Variants in EPM2A observed in about 807,000 individuals in gnomAD.
EPM2A encodes laforin.
A neutral mutation model predicts 26.5 loss-of-function variants in EPM2A; 21 were observed. The ratio of observed to expected loss-of-function variants is 0.79; its 90% CI spans 0.56 to 1.14. The LOEUF (loss-of-function observed/expected upper bound fraction) is 1.14. Among genes scored for constraint, EPM2A ranks in the 50% most tolerant of loss-of-function variants. EPM2A has a pLI of 0.00. For synonymous variants in EPM2A, 217 were observed against 177.6 expected (o/e 1.22, Z -1.76); for missense variants, 458 against 440.8 (o/e 1.04, Z -0.35).
intron 4 of EPM2A, among the ~76,000 whole-genome samples, chr6:145,459,515 A>G (rs7741505): frequency 0.11 from 16,578 of 152,196 alleles, 1,997 homozygotes; most frequent in African/African-American, 0.3. Context: ...AAATGTCTTA[A>G]TTTATGACTG....
chr6:145,417,733 T>TA (rs1778728176), intron 4 of EPM2A, among the ~76,000 whole-genome samples: 1 of 152,152 alleles, frequency 6.6e-6, no homozygotes, highest in South Asian at 2.1e-4. Flanking sequence ...TCAATCCACC[T>TA]AACCTCAGCC....
chr6:145,627,251 C>A lies in EPM2A; in HGVS notation c.*165G>T. The A allele has an allele frequency of 6.6e-7, 1 of 1,526,262 alleles. No homozygotes were observed. Among genetic ancestry groups the A allele is most frequent in the African/African-American group, 1.4e-5 (1 of 72,336 alleles). 94.5% of individuals were successfully genotyped at this position (1,526,262 alleles called of 1,614,324 possible). ...TGTAGAGTATTTCAAAAATACAGCC[C>A]CAAAACAAAGCATAATCGAAAGTCA... On this transcript the variant is annotated 3_prime_UTR_variant, in exon 4 of 4. Coordinates refer to ENST00000367519, the MANE Select transcript of EPM2A (RefSeq NM_005670.4).
At chr6:145,632,479 T>C (rs1333776963) in intron 3 of EPM2A, among the ~76,000 whole-genome samples, 1 of 152,202 alleles carries the variant, frequency 6.6e-6, no homozygotes. Flanking sequence ...AGTGTTAGAT[T>C]TGGCAGATTT....
intron 2 of EPM2A, among the ~76,000 whole-genome samples, chr6:145,525,664 A>G (rs1780261444): frequency 6.6e-6 from 1 of 152,042 alleles, no homozygotes; most frequent in Non-Finnish European, 1.5e-5. Context: ...AAACTTTACT[A>G]TAGCTGTTTA....
chr6:145,504,104 T>C (rs1429810055), intron 2 of EPM2A, among the ~76,000 whole-genome samples: 1 of 138,432 alleles, frequency 7.2e-6, no homozygotes, highest in Non-Finnish European at 1.6e-5. Flanking sequence ...CAAGATGGAT[T>C]AAAGACTTAA....
downstream of EPM2A, among the ~76,000 whole-genome samples, chr6:145,500,594 T>G (rs1388407772): frequency 6.6e-6 from 1 of 152,134 alleles, no homozygotes; most frequent in African/African-American, 2.4e-5. Context: ...TCTTGAGAGT[T>G]CCTGTTTCTG....
intron 1 of EPM2A, among the ~76,000 whole-genome samples, chr6:145,723,373 A>G (rs1358534769): frequency 6.6e-6 from 1 of 152,150 alleles, no homozygotes; most frequent in Non-Finnish European, 1.5e-5. Context: ...AGAGTTCCAA[A>G]ACAAATAATC....
intron 2 of EPM2A, among the ~76,000 whole-genome samples, chr6:145,683,196 T>G (rs1383001148): frequency 2.0e-5 from 3 of 151,746 alleles, no homozygotes; most frequent in African/African-American, 7.3e-5. Context: ...TCCTTTTCTA[T>G]TCTAAACTAC....
chr6:145,607,850 G>C (rs1775295746), intron 2 of EPM2A, among the ~76,000 whole-genome samples: 1 of 152,140 alleles, frequency 6.6e-6, no homozygotes. Flanking sequence ...CCTGTATTCA[G>C]GGTACTAAAA....
At chr6:145,539,916 TCCAC>T (rs1055024348) in intron 2 of EPM2A, among the ~76,000 whole-genome samples, 4 of 152,250 alleles carry the variant, frequency 2.6e-5, no homozygotes, top group Non-Finnish European at 5.9e-5. Flanking sequence ...TGGGCCACTA[TCCAC>T]CCACCTTAAA....
intron 2 of EPM2A, among the ~76,000 whole-genome samples, chr6:145,619,695 T>A (rs138691100): frequency 1.3e-5 from 2 of 152,214 alleles, no homozygotes; most frequent in Non-Finnish European, 2.9e-5. Flanking sequence ...ACATTTCTTT[T>A]TTGCCTTCCT....
Position 145,580,547 on chromosome 6 carries a change from A to G in EPM2A, c.340+54698T>C, listed in dbSNP as rs569392483. Among the ~76,000 whole-genome samples the G allele has an allele frequency of 3.9e-4, 60 of 152,214 alleles. No individual in the cohort carries two copies. In the South Asian group the frequency reaches 0.012, roughly 30 times the overall value. ...TTTTTAACTTTTATATTTCAAGGGT[A>G]CAGGCACAGGTTTGCTATATAGGTA... On this transcript the variant is annotated intron_variant, in intron 2 of 3. Transcript: ENST00000450221.
chr6:145,595,748 A>C lies in EPM2A; in HGVS notation c.340+39497T>G, dbSNP rs139586693. Among the ~76,000 whole-genome samples the C allele has an allele frequency of 2.5e-3, 374 of 152,260 alleles. 4 individuals are homozygous for C. The highest frequency in any genetic ancestry group is 8.4e-3 in the African/African-American group (351 of 41,588). On this transcript the variant is annotated intron_variant, in intron 2 of 3. Coordinates refer to the EPM2A transcript ENST00000450221. ...TTATTTTCCAGAGAATTTTTTTTGA[A>C]ATAGATAGTGATATTATAGCAAATA...
chr6:145,464,281 G>C (rs752341416), intron 4 of EPM2A, among the ~76,000 whole-genome samples: 5 of 152,102 alleles, frequency 3.3e-5, no homozygotes, highest in Non-Finnish European at 7.4e-5. Flanking sequence ...TGCCATGATT[G>C]TAAGTTTTCT....
intron 2 of EPM2A, among the ~76,000 whole-genome samples, chr6:145,522,692 C>T (rs981933188): frequency 2.6e-5 from 4 of 152,120 alleles, no homozygotes; most frequent in Admixed American, 2.6e-4. Context: ...TCCCTTAGAA[C>T]ATTGCTTCAG....
chr6:145,589,089 A>ATGACAGGAACAAAGCTTGCTGG (rs1283276151), intron 2 of EPM2A, among the ~76,000 whole-genome samples: 2 of 152,166 alleles, frequency 1.3e-5, no homozygotes, highest in African/African-American at 4.8e-5. Flanking sequence ...ATATTCGTCT[A>ATGACAGGAACAAAGCTTGCTGG]TGACAGGAAC....
At chr6:145,534,033 A>T (rs991598068) in intron 2 of EPM2A, among the ~76,000 whole-genome samples, 14 of 152,238 alleles carry the variant, frequency 9.2e-5, no homozygotes, top group African/African-American at 3.4e-4. Context: ...TTTATTAATT[A>T]AAATTAAACT....
rs183846252 is a variant in EPM2A, at chr6:145,487,127, T to C, written c.555+15395A>G. Among the ~76,000 whole-genome samples the C allele has an allele frequency of 4.3e-3, 654 of 152,336 alleles. 4 individuals carry two copies. Among genetic ancestry groups the C allele is most frequent in the Middle Eastern group, 0.02 (6 of 294 alleles). The stretch of plus-strand genomic sequence containing the variant: ...TGTTTCTGCATTAGTTTGCTAAGGA[T>C]AATGGCCTCTAGCTGCATCCATGCC... On this transcript the variant is annotated intron_variant, in intron 4 of 4. Transcript: ENST00000638717.
At chr6:145,723,814 G>C (rs1315521191) in intron 1 of EPM2A, among the ~76,000 whole-genome samples, 3 of 152,084 alleles carry the variant, frequency 2.0e-5, no homozygotes, top group Non-Finnish European at 2.9e-5. Context: ...TACCAGAGAT[G>C]AGAAAGCTAT....
Sources: gnomAD v4.1 joint callset for allele counts (sites outside exome capture counted in the v4.1 genomes callset) on GRCh38, gnomAD v4.1.1 for gene constraint, MANE v1.5 for transcripts, NCBI Gene and HGNC (gene_info 2026-07-23, HGNC 2026-07-21) for gene names.